The following MLLT3 variants were observed in gnomAD, a reference collection of about 807,000 sequenced individuals.
MLLT3 encodes MLLT3 super elongation complex subunit, also known as protein AF-9.
Under a neutral mutation model 53.2 loss-of-function variants are expected in MLLT3, and 4 were observed. The observed-to-expected ratio is 0.08, with a 90% CI of 0.04 to 0.17. The LOEUF (loss-of-function observed/expected upper bound fraction) is 0.17. Among genes scored for constraint, MLLT3 ranks in the 10% least tolerant of loss-of-function variants. The pLI is 1.00. For synonymous variants in MLLT3, 283 were observed against 230.6 expected (o/e 1.23, Z -2.06); for missense variants, 569 against 684.0 (o/e 0.83, Z 1.87).
chr9:20,356,646 C>A lies in MLLT3; in HGVS notation c.1432-1767G>T, dbSNP rs547885707. 3.3e-5 allele frequency among the ~76,000 whole-genome samples: 5 copies of A among 152,298 alleles called. No homozygotes were observed. The South Asian group carries it at 1.0e-3, about 32-fold the overall frequency. On this transcript the variant is annotated intron_variant, in intron 8 of 10. Coordinates refer to ENST00000380338, the MANE Select transcript of MLLT3 (RefSeq NM_004529.4). Reference sequence around the variant, plus strand: ...TCCCATCATATCCCGCTGCCTCCCACGATCCCCTCCTCCAACTCCTGTACT... The same window carrying A: ...TCCCATCATATCCCGCTGCCTCCCAAGATCCCCTCCTCCAACTCCTGTACT...
chr9:20,498,975 A>T (rs1294197876), intron 2 of MLLT3, among the ~76,000 whole-genome samples: 1 of 152,226 alleles, frequency 6.6e-6, no homozygotes, highest in African/African-American at 2.4e-5. Flanking sequence ...TCATGCTAGA[A>T]TTCTGAAATC....
At chr9:20,351,960 T>C (rs1436117215) in intron 10 of MLLT3, among the ~76,000 whole-genome samples, 1 of 152,128 alleles carries the variant, frequency 6.6e-6, no homozygotes, top group Non-Finnish European at 1.5e-5. Flanking sequence ...GCAATTAGGG[T>C]GAAATGCTGT....
At chr9:20,465,853 G>T (rs1824225602) in intron 2 of MLLT3, among the ~76,000 whole-genome samples, 1 of 152,032 alleles carries the variant, frequency 6.6e-6, no homozygotes, top group South Asian at 2.1e-4. Context: ...CTGAATGAGG[G>T]TGATGTTAAT....
At chr9:20,403,759 A>G (rs1447367963) in intron 5 of MLLT3, among the ~76,000 whole-genome samples, 2 of 152,202 alleles carry the variant, frequency 1.3e-5, no homozygotes, top group Non-Finnish European at 2.9e-5. Flanking sequence ...TGAATACTTT[A>G]TATTACTAAA....
chr9:20,411,275 G>A (rs566701196), intron 5 of MLLT3: 1 of 153,514 alleles, frequency 6.5e-6, no homozygotes, highest in Admixed American at 6.5e-5. Context: ...GGTAGGACAG[G>A]TAGGAGACAG....
intron 2 of MLLT3, among the ~76,000 whole-genome samples, chr9:20,535,363 A>G (rs1225522359): frequency 6.6e-6 from 1 of 152,180 alleles, no homozygotes; most frequent in Non-Finnish European, 1.5e-5. Context: ...CCCTGGTGCC[A>G]AAAAGGTTGG....
intron 2 of MLLT3, among the ~76,000 whole-genome samples, chr9:20,596,200 T>C (rs1025410321): frequency 3.3e-5 from 5 of 152,240 alleles, no homozygotes; most frequent in African/African-American, 1.2e-4. Flanking sequence ...TCTTATAGCA[T>C]GTTTTCTTGA....
At chr9:20,617,115 A>G (rs10811376) in intron 2 of MLLT3, among the ~76,000 whole-genome samples, 67,676 of 151,966 alleles carry the variant, frequency 0.45, 16,058 homozygotes, top group Middle Eastern at 0.56. Context: ...CCCTACACAA[A>G]TAACACTCGC....
rs556988078 is a variant in MLLT3, at chr9:20,547,199, T to C, written c.193+73455A>G. On this transcript the variant is annotated intron_variant, in intron 2 of 10. Transcript: ENST00000380338. ...GATATGTTATATTCTTGTACTCATA[T>C]ACTTTTTTTTTTCCTGTAGAGATGA... Among the ~76,000 whole-genome samples the C allele has an allele frequency of 2.0e-5, 3 of 152,218 alleles. No homozygotes were observed. In the South Asian group the frequency reaches 6.2e-4, roughly 32 times the overall value.
chr9:20,523,849 T>C (rs923663022), intron 2 of MLLT3, among the ~76,000 whole-genome samples: 5 of 151,894 alleles, frequency 3.3e-5, no homozygotes, highest in African/African-American at 1.2e-4. Flanking sequence ...AGTGTGCCTA[T>C]AGTCCCAGCT....
At chr9:20,405,215 T>C (rs1387462602) in intron 5 of MLLT3, among the ~76,000 whole-genome samples, 1 of 152,144 alleles carries the variant, frequency 6.6e-6, no homozygotes, top group African/African-American at 2.4e-5. Context: ...GAAAATGATA[T>C]TAGGTTACAT....
intron 2 of MLLT3, among the ~76,000 whole-genome samples, chr9:20,549,444 TA>T (rs1288002189): frequency 2.0e-5 from 3 of 149,070 alleles, no homozygotes; most frequent in African/African-American, 7.3e-5. Flanking sequence ...TAATAATAGC[TA>T]ACACATATAT....
chr9:20,410,122 G>T (rs1822687573), intron 5 of MLLT3, among the ~76,000 whole-genome samples: 1 of 152,086 alleles, frequency 6.6e-6, no homozygotes, highest in South Asian at 2.1e-4. Flanking sequence ...TACACCTTGT[G>T]ACGACAAAAT....
At chr9:20,373,717 G>A (rs549986111) in intron 5 of MLLT3, among the ~76,000 whole-genome samples, 6 of 152,110 alleles carry the variant, frequency 3.9e-5, no homozygotes, top group South Asian at 2.1e-4. Flanking sequence ...GTTACATTAC[G>A]AAAATGTAAC....
At chr9:20,377,975 A>G (rs1323552232) in intron 5 of MLLT3, among the ~76,000 whole-genome samples, 1 of 152,076 alleles carries the variant, frequency 6.6e-6, no homozygotes, top group Non-Finnish European at 1.5e-5. Flanking sequence ...GAATTAGAAT[A>G]CTGGAGCTCT....
intron 2 of MLLT3, among the ~76,000 whole-genome samples, chr9:20,576,799 A>C (rs993460061): frequency 6.6e-6 from 1 of 152,184 alleles, no homozygotes; most frequent in Non-Finnish European, 1.5e-5. Context: ...AATGGAGCAA[A>C]TAGATTTGCT....
At chr9:20,573,577 G>A (rs142976758) in intron 2 of MLLT3, among the ~76,000 whole-genome samples, 4 of 152,150 alleles carry the variant, frequency 2.6e-5, no homozygotes, top group Non-Finnish European at 4.4e-5. Flanking sequence ...TGCAAATAAA[G>A]TTAATGTTTA....
intron 2 of MLLT3, among the ~76,000 whole-genome samples, chr9:20,539,794 C>T (rs1587045072): frequency 2.0e-5 from 3 of 152,138 alleles, no homozygotes; most frequent in East Asian, 3.9e-4. Context: ...TGACAGTCCC[C>T]GAAGTCTTAA....
chr9:20,576,652 C>T (rs1385061838), intron 2 of MLLT3, among the ~76,000 whole-genome samples: 1 of 151,990 alleles, frequency 6.6e-6, no homozygotes, highest in Non-Finnish European at 1.5e-5. Flanking sequence ...TTCATGGCAA[C>T]ACAAAACAAT....
Sources: allele counts gnomAD v4.1 joint callset (sites outside exome capture counted in the v4.1 genomes callset), GRCh38; gene constraint gnomAD v4.1.1; transcripts MANE v1.5; gene names NCBI Gene and HGNC (gene_info 2026-07-23, HGNC 2026-07-21).